The following TAS2R1 variants were observed in gnomAD, a reference collection of about 807,000 sequenced individuals.
TAS2R1 encodes the protein taste 2 receptor member 1, also known as taste receptor type 2 member 1.
For missense variants in TAS2R1, 370 were observed against 353.4 expected (o/e 1.05, Z -0.38); for synonymous variants, 141 against 134.2 (o/e 1.05, Z -0.35).
intron 2 of TAS2R1, among the ~76,000 whole-genome samples, chr5:9,656,330 A>G (rs1490703250): frequency 6.6e-6 from 1 of 152,226 alleles, no homozygotes; most frequent in Non-Finnish European, 1.5e-5. Context: ...GATGTAGTAG[A>G]TGGAGTTCTC....
chr5:9,693,278 G>A (rs1741286005), intron 1 of TAS2R1, among the ~76,000 whole-genome samples: 1 of 152,168 alleles, frequency 6.6e-6, no homozygotes, highest in Non-Finnish European at 1.5e-5. Flanking sequence ...GGAGGCCAAG[G>A]TGGGTGGATC....
At chr5:9,700,597 G>A (rs752262958) in intron 1 of TAS2R1, among the ~76,000 whole-genome samples, 7 of 152,136 alleles carry the variant, frequency 4.6e-5, no homozygotes, top group African/African-American at 1.2e-4. Context: ...GATATAATGC[G>A]CTTGCTTGCT....
intron 1 of TAS2R1, among the ~76,000 whole-genome samples, chr5:9,676,362 A>C (rs755950678): frequency 6.6e-6 from 1 of 152,200 alleles, no homozygotes; most frequent in Non-Finnish European, 1.5e-5. Flanking sequence ...AAAACTTACT[A>C]AAAAACTGCA....
At chr5:9,753,385 T>C in the TAS2R1 span, among the ~76,000 whole-genome samples, 2 of 152,368 alleles carry the variant, frequency 1.3e-5, no homozygotes, top group East Asian at 3.9e-4. Flanking sequence ...TGCCCACTTT[T>C]TGATGGGGTT....
intron 2 of TAS2R1, among the ~76,000 whole-genome samples, chr5:9,658,023 C>T (rs1022050634): frequency 6.6e-6 from 1 of 152,144 alleles, no homozygotes; most frequent in Non-Finnish European, 1.5e-5. Context: ...GTCTTCCTGC[C>T]AAATCCAGGG....
chr5:9,827,005 C>G, the TAS2R1 span, among the ~76,000 whole-genome samples: 1 of 152,156 alleles, frequency 6.6e-6, no homozygotes, highest in African/African-American at 2.4e-5. Context: ...CTCCAATTTC[C>G]ACCTCTGATA....
At chr5:9,878,225 T>C in the TAS2R1 span, among the ~76,000 whole-genome samples, 9 of 152,308 alleles carry the variant, frequency 5.9e-5, no homozygotes, top group East Asian at 9.6e-4. Flanking sequence ...TTGAACACCA[T>C]CCAGGGTGTT....
At chr5:9,649,958 G>A (rs1486436684) in intron 2 of TAS2R1, among the ~76,000 whole-genome samples, 1 of 152,054 alleles carries the variant, frequency 6.6e-6, no homozygotes, top group Non-Finnish European at 1.5e-5. Context: ...CTGGTCTGCA[G>A]GTAAATTTCC....
chr5:9,883,567 T>C, the TAS2R1 span, among the ~76,000 whole-genome samples: 1 of 152,134 alleles, frequency 6.6e-6, no homozygotes, highest in Non-Finnish European at 1.5e-5. Context: ...CACTAATATT[T>C]AAAGGTAAGA....
At chr5:9,865,145 G>T in the TAS2R1 span, among the ~76,000 whole-genome samples, 1 of 152,322 alleles carries the variant, frequency 6.6e-6, no homozygotes, top group East Asian at 1.9e-4. Flanking sequence ...GAGGTGTGGA[G>T]GGGGAGCAAG....
the TAS2R1 span, among the ~76,000 whole-genome samples, chr5:9,857,434 A>G: frequency 2.6e-5 from 4 of 152,212 alleles, no homozygotes; most frequent in African/African-American, 4.8e-5. Flanking sequence ...AACAACTGGT[A>G]TATATGGAGC....
upstream of TAS2R1, chr5:9,630,366 T>A (rs1017881521): frequency 1.0e-5 from 2 of 192,270 alleles, no homozygotes; most frequent in Non-Finnish European, 2.4e-5. Flanking sequence ...TCCTCCATAG[T>A]AATTAGCCAA....
In TAS2R1 at chr5:9,668,037, A is replaced by G. The variant is rs1027805604; in HGVS notation, c.-241-8456T>C. Among the ~76,000 whole-genome samples the G allele has an allele frequency of 5.3e-5, 8 of 152,322 alleles. No individual in the cohort carries two copies. In the East Asian group the frequency reaches 1.5e-3, roughly 29 times the overall value. On this transcript the variant is annotated intron_variant, in intron 1 of 2. Transcript: ENST00000506620. ...TCTAAGGAATGCAGTAACATGATGC[A>G]GGAGATAAAAAACAAAATGGCCATA...
chr5:9,743,850 C>A, the TAS2R1 span, among the ~76,000 whole-genome samples: 2 of 152,042 alleles, frequency 1.3e-5, no homozygotes, highest in African/African-American at 2.4e-5. Flanking sequence ...GGAAAAAATT[C>A]TCTTTGGAAA....
chr5:9,639,964 T>G (rs1740040041), intron 2 of TAS2R1, among the ~76,000 whole-genome samples: 1 of 152,202 alleles, frequency 6.6e-6, no homozygotes, highest in Admixed American at 6.5e-5. Flanking sequence ...GAGTGTTCAC[T>G]GGGGTAGCAC....
At chr5:9,806,099 A>G in the TAS2R1 span, among the ~76,000 whole-genome samples, 1 of 152,136 alleles carries the variant, frequency 6.6e-6, no homozygotes, top group East Asian at 1.9e-4. Context: ...GCTATATACC[A>G]ACAATGACCA....
chr5:9,659,010 T>G (rs979722268), intron 2 of TAS2R1, among the ~76,000 whole-genome samples: 9 of 152,328 alleles, frequency 5.9e-5, no homozygotes, highest in African/African-American at 2.2e-4. Flanking sequence ...TGGATACAAG[T>G]ATTGTCATGC....
the TAS2R1 span, among the ~76,000 whole-genome samples, chr5:9,845,879 G>A: frequency 1.3e-5 from 2 of 151,900 alleles, no homozygotes; most frequent in South Asian, 4.2e-4. Context: ...CACATTCTAG[G>A]GTAACAGTCC....
the TAS2R1 span, among the ~76,000 whole-genome samples, chr5:9,866,279 G>A: frequency 6.6e-6 from 1 of 151,848 alleles, no homozygotes; most frequent in Non-Finnish European, 1.5e-5. Flanking sequence ...CCTTCATCTT[G>A]TAATTGTATT....
Sources: gnomAD v4.1 joint callset for allele counts (sites outside exome capture counted in the v4.1 genomes callset) on GRCh38, gnomAD v4.1.1 for gene constraint, MANE v1.5 for transcripts, NCBI Gene and HGNC (gene_info 2026-07-23, HGNC 2026-07-21) for gene names.